The following KCNC4 variants were observed in gnomAD, a reference collection of about 807,000 sequenced individuals.
The protein encoded by KCNC4 is voltage-gated potassium channel KCNC4.
In KCNC4, 23 loss-of-function variants were observed where a neutral mutation model predicts 42.8. That is an observed-to-expected ratio of 0.54 (90% CI 0.39 to 0.76). The LOEUF is 0.76. Among genes scored for constraint, KCNC4 ranks in the 30% least tolerant of loss-of-function variants. The pLI is 0.00. For synonymous variants in KCNC4, 422 were observed against 393.5 expected, an observed-to-expected ratio of 1.07 and a Z score of -0.86; for missense variants, 751 against 898.2, an observed-to-expected ratio of 0.84 and a Z score of 2.10.
Position 110,255,217 on chromosome 1 carries a change from C to T in KCNC4, n.31-27317C>T, listed in dbSNP as rs115624474. On this transcript the variant is annotated intron_variant and non_coding_transcript_variant, in intron 1 of 2. Transcript: ENST00000412512. Reference sequence around the variant, plus strand: ...GCAAATGAGCAAATGCCTAGATCGTCGGAGTTGGACAAACAAGTTCCCTAG... The same window carrying T: ...GCAAATGAGCAAATGCCTAGATCGTTGGAGTTGGACAAACAAGTTCCCTAG... 3.1e-3 allele frequency among the ~76,000 whole-genome samples: 468 copies of T among 152,336 alleles called. 1 individual carries two copies. The highest frequency in any genetic ancestry group is 0.011 in the African/African-American group (447 of 41,576).
downstream of KCNC4, among the ~76,000 whole-genome samples, chr1:110,249,468 C>G (rs530191503): frequency 6.6e-6 from 1 of 152,156 alleles, no homozygotes; most frequent in Non-Finnish European, 1.5e-5. Context: ...TCAGTGAATG[C>G]TAATCCACCT....
chr1:110,230,544 CAA>C (rs1658639230), intron 3 of KCNC4, among the ~76,000 whole-genome samples: 1 of 152,250 alleles, frequency 6.6e-6, no homozygotes, highest in East Asian at 1.9e-4. Context: ...GTCAGGAGCC[CAA>C]GTTTCCACGG....
intron 2 of KCNC4, chr1:110,224,610 T>C (rs1308677729): frequency 2.0e-5 from 3 of 152,168 alleles, no homozygotes; most frequent in African/African-American, 4.8e-5. Flanking sequence ...GAAACTGATA[T>C]CTGTGCCCTG....
intron 2 of KCNC4, chr1:110,224,963 A>G (rs942231680): frequency 6.6e-6 from 1 of 152,094 alleles, no homozygotes; most frequent in Admixed American, 6.5e-5. Context: ...GCCCGGGTCC[A>G]CTCATTCCCG....
At chr1:110,253,239 G>A (rs961261652), downstream of KCNC4, among the ~76,000 whole-genome samples, 5 of 152,180 alleles carry the variant, frequency 3.3e-5, no homozygotes, top group Non-Finnish European at 7.3e-5. Flanking sequence ...GACCATGAGG[G>A]CACTTCATTG....
At chr1:110,224,152 G>A in intron 2 of KCNC4, 1 of 489,718 alleles carries the variant, frequency 2.0e-6, no homozygotes, top group Non-Finnish European at 3.6e-6. Context: ...GGCAGTACAT[G>A]GGGCTGTATA....
intron 1 of KCNC4, among the ~76,000 whole-genome samples, chr1:110,257,458 G>C (rs1571073497): frequency 6.6e-6 from 1 of 151,798 alleles, no homozygotes; most frequent in Admixed American, 6.6e-5. Context: ...GCTCACGCCT[G>C]TAATCCCAGC....
intron 1 of KCNC4, among the ~76,000 whole-genome samples, chr1:110,214,500 A>T (rs1028408209): frequency 6.6e-6 from 1 of 152,194 alleles, no homozygotes; most frequent in African/African-American, 2.4e-5. Flanking sequence ...CTCATTATTG[A>T]GCACCCCAGA....
At chr1:110,224,215 G>A in intron 2 of KCNC4, 1 of 323,310 alleles carries the variant, frequency 3.1e-6, no homozygotes, top group Non-Finnish European at 5.7e-6. Context: ...TGTGCCCTGA[G>A]GCCAGTCACT....
rs773067084 is a variant in KCNC4, at chr1:110,226,056, C to T, written c.1697C>T (p.Pro566Leu). The T allele has an allele frequency of 1.7e-4, 267 of 1,613,934 alleles. 1 individual carries two copies. In the Admixed American group the frequency reaches 3.4e-3, roughly 21 times the overall value. ...CTCACCCAACCCCTGGCCTCCTCCCCGACCCCCGAGGAGCGCCGGGCCCTG... is the reference window on the plus strand; with the variant it reads ...CTCACCCAACCCCTGGCCTCCTCCCTGACCCCCGAGGAGCGCCGGGCCCTG... ...AGLTQPLASS[P>L]TPEERRALRR... Residue 566 changes from proline to leucine, a missense_variant, in exon 3 of 4, where the codon CCG becomes CTG. Physicochemically the swap from Pro to Leu is moderately conservative, Grantham distance 98. Transcript: ENST00000438661.
intron 1 of KCNC4, among the ~76,000 whole-genome samples, chr1:110,281,555 A>ACACACACACACACACAC (rs71752517): frequency 1.6e-4 from 22 of 140,444 alleles, no homozygotes; most frequent in Admixed American, 7.9e-4. Context: ...CATATGTAAA[A>ACACACACACACACACAC]ACACACACAC....
intron 1 of KCNC4, chr1:110,222,348 A>G (rs887153619): frequency 1.3e-5 from 2 of 153,858 alleles, no homozygotes; most frequent in African/African-American, 4.8e-5. Flanking sequence ...ACTAGTGTGC[A>G]TTAGGATTAC....
At chr1:110,275,161 A>G (rs540166712) in intron 1 of KCNC4, among the ~76,000 whole-genome samples, 1 of 152,310 alleles carries the variant, frequency 6.6e-6, no homozygotes, top group Non-Finnish European at 1.5e-5. Context: ...CAACAACAAA[A>G]GCAAAAAACA....
rs749727219 is a variant in KCNC4 at position 110,223,784 on chromosome 1, C to T, written c.1499C>T (p.Ala500Val). The change falls in exon 2 of 4, where the codon GCG (alanine) becomes GTG (valine). Residue 500 changes from alanine to valine, a missense_variant. Coordinates refer to ENST00000438661, the MANE Select transcript of KCNC4 (RefSeq NM_001039574.3). This position sits in a 1 kb window ranked among gnomAD's most constrained non-coding sequence, Gnocchi z 7.5. ...KKRKKHVPRP[A>V]QLESPMYCKS... ...CGGAAGAAGCACGTGCCACGGCCGG[C>T]GCAGCTGGAGTCACCCATGTACTGC... 8.1e-6 allele frequency: 13 copies of T among 1,614,026 alleles called. No individual in the cohort carries two copies. The highest frequency in any genetic ancestry group is 9.3e-6 in the Non-Finnish European group (11 of 1,180,038).
Position 110,211,342 on chromosome 1 carries a change from A to G in KCNC4, c.-158A>G. The stretch of plus-strand genomic sequence containing the variant: ...TCCAACTCCTCCCGCTCCGCGTCCT[A>G]GGGGGATAGGCAGGGGCAAGCCCAA... On this transcript the variant is annotated 5_prime_UTR_variant, in exon 1 of 4. Transcript: ENST00000438661. The surrounding 1 kb of genome is among the most constrained non-coding windows in gnomAD (Gnocchi z 6.5). The G allele has an allele frequency of 1.9e-6, 2 of 1,070,380 alleles. No homozygotes were observed. Among genetic ancestry groups the G allele is most frequent in the South Asian group, 1.7e-5 (1 of 60,506 alleles). 66.3% of individuals were successfully genotyped at this position (1,070,380 alleles called of 1,614,324 possible). A position where few individuals can be genotyped will look rare whatever the true frequency, so the allele number is the denominator to read the frequency against.
intron 3 of KCNC4, among the ~76,000 whole-genome samples, chr1:110,230,574 C>G (rs1306057373): frequency 1.3e-5 from 2 of 152,220 alleles, no homozygotes; most frequent in Non-Finnish European, 2.9e-5. Context: ...CGCCTCCTTC[C>G]CTCTCTTCCC....
downstream of KCNC4, chr1:110,234,755 G>A (rs1176598297): frequency 6.6e-6 from 1 of 152,370 alleles, no homozygotes; most frequent in Non-Finnish European, 1.5e-5. Context: ...TCTTGCACCA[G>A]GCTCTGGCGG....
chr1:110,213,163 C>A (rs968114571), intron 1 of KCNC4, among the ~76,000 whole-genome samples: 7 of 76,580 alleles, frequency 9.1e-5, no homozygotes, highest in Non-Finnish European at 1.7e-4. Flanking sequence ...CATTATGCTT[C>A]GACAGCTAAA....
In KCNC4 at chr1:110,212,162, C is replaced by T; in HGVS notation, c.663C>T (p.Ser221=). Residue 221 remains serine, a synonymous_variant, in exon 1 of 4, where the codon TCC becomes TCT. Coordinates refer to ENST00000438661, the MANE Select transcript of KCNC4 (RefSeq NM_001039574.3). ...RMWALFEDPY[S]SRAARVVAFA... is the part of the protein sequence containing the mutation. ...GGGCGCTCTTCGAGGATCCCTACTC[C>T]TCCCGGGCCGCTAGGGTGAGTGGCA... The T allele has an allele frequency of 6.6e-7, 1 of 1,507,666 alleles. No individual in the cohort carries two copies. The highest frequency in any genetic ancestry group is 8.7e-7 in the Non-Finnish European group (1 of 1,144,676). The allele number at this position is 1,507,666 out of a possible 1,614,324, so 93.4% of individuals were successfully genotyped here. A position where few individuals can be genotyped will look rare whatever the true frequency, so the allele number is the denominator to read the frequency against.
Sources: gnomAD v4.1 joint callset for allele counts (sites outside exome capture counted in the v4.1 genomes callset) on GRCh38, gnomAD v4.1.1 for gene constraint, Gnocchi (gnomAD v3.1) non-coding constraint, MANE v1.5 for transcripts, NCBI Gene and HGNC (gene_info 2026-07-23, HGNC 2026-07-21) for gene names.